Variants in ILRUN observed in about 807,000 individuals in gnomAD.
The protein encoded by ILRUN is inflammation and lipid regulator with UBA-like and NBR1-like domains.
ILRUN carries 3 observed loss-of-function variants against 33.8 expected under a neutral mutation model. That is an observed-to-expected ratio of 0.09 (90% CI 0.04 to 0.23). The LOEUF (loss-of-function observed/expected upper bound fraction) is 0.23. Among genes scored for constraint, ILRUN ranks in the 10% least tolerant of loss-of-function variants. ILRUN has a pLI of 1.00. For synonymous variants in ILRUN, 124 were observed against 138.9 expected (o/e 0.89, Z 0.75); for missense variants, 210 against 375.1 (o/e 0.56, Z 3.64).
At chr6:34,693,693 G>A (rs1368189178) in intron 1 of ILRUN, among the ~76,000 whole-genome samples, 1 of 147,722 alleles carries the variant, frequency 6.8e-6, no homozygotes, top group Non-Finnish European at 1.5e-5. Flanking sequence ...TTGAGACGGA[G>A]TCTCGGTCTG....
At chr6:34,691,707 A>G (rs943594874) in intron 1 of ILRUN, among the ~76,000 whole-genome samples, 1 of 152,026 alleles carries the variant, frequency 6.6e-6, no homozygotes, top group African/African-American at 2.4e-5. Context: ...GAGGCAGGAG[A>G]ATCTCTTGAA....
chr6:34,590,528 C>T lies in ILRUN; in HGVS notation c.*37G>A. On this transcript the variant is annotated 3_prime_UTR_variant, in exon 5 of 5. Coordinates refer to ENST00000374023, the MANE Select transcript of ILRUN (RefSeq NM_024294.4). ...CCCTAACCCCCCAAAGTCAGGCCTT[C>T]TGTCTTTTGTTAATTTTTCTTCTTG... 1 of 1,613,766 alleles carries T rather than the reference C, an allele frequency of 6.2e-7. No individual in the cohort carries two copies. Among genetic ancestry groups the T allele is most frequent in the African/African-American group, 1.3e-5 (1 of 75,050 alleles).
At chr6:34,626,498 G>A (rs1762134088) in intron 3 of ILRUN, among the ~76,000 whole-genome samples, 1 of 152,100 alleles carries the variant, frequency 6.6e-6, no homozygotes, top group African/African-American at 2.4e-5. Context: ...TTTTATAGCA[G>A]TTTTAGGTTC....
chr6:34,609,690 G>A (rs1302267395), intron 3 of ILRUN, among the ~76,000 whole-genome samples: 1 of 152,126 alleles, frequency 6.6e-6, no homozygotes, highest in Non-Finnish European at 1.5e-5. Context: ...TTAAGAACTG[G>A]TTGTATCCAA....
At chr6:34,650,407 TTTTATTTATTTA>T (rs56072656) in intron 2 of ILRUN, among the ~76,000 whole-genome samples, 12,774 of 141,398 alleles carry the variant, frequency 0.09, 720 homozygotes, top group East Asian at 0.32. Context: ...ATTTATTTAT[TTTTATTTATTTA>T]TTTATTTATT....
intron 1 of ILRUN, among the ~76,000 whole-genome samples, chr6:34,682,010 C>T (rs1273972544): frequency 7.5e-6 from 1 of 132,972 alleles, no homozygotes; most frequent in Non-Finnish European, 1.6e-5. Flanking sequence ...TGCCACCACA[C>T]CCCACTAATT....
At chr6:34,601,266 T>C (rs1391434499) in intron 4 of ILRUN, among the ~76,000 whole-genome samples, 2 of 152,222 alleles carry the variant, frequency 1.3e-5, no homozygotes, top group Non-Finnish European at 2.9e-5. Context: ...CAATCAATGA[T>C]AGTTTTACAG....
chr6:34,621,166 C>G (rs1762006266), intron 3 of ILRUN, among the ~76,000 whole-genome samples: 1 of 152,182 alleles, frequency 6.6e-6, no homozygotes, highest in Non-Finnish European at 1.5e-5. Context: ...TCTTCTTCTT[C>G]ATTAATTTCA....
chr6:34,653,148 A>G lies in ILRUN; in HGVS notation c.313+1477T>C, dbSNP rs146637411. 4.2e-4 allele frequency among the ~76,000 whole-genome samples: 61 copies of G among 145,188 alleles called. No individual in the cohort carries two copies. The South Asian group carries it at 5.3e-3, about 13-fold the overall frequency. On this transcript the variant is annotated intron_variant, in intron 2 of 4. Transcript: ENST00000374023. ...ACCTTGTCTCAAAAAAAAAAAAAAAAAAAGAAAAAGAAAGAAAGAAAGAAA... is the reference window on the plus strand; with the variant it reads ...ACCTTGTCTCAAAAAAAAAAAAAAAGAAAGAAAAAGAAAGAAAGAAAGAAA...
At chr6:34,675,216 G>A (rs1355268824) in intron 1 of ILRUN, among the ~76,000 whole-genome samples, 1 of 152,140 alleles carries the variant, frequency 6.6e-6, no homozygotes, top group African/African-American at 2.4e-5. Flanking sequence ...GGGAGGCAGA[G>A]GTTGCAGTGA....
chr6:34,602,931 C>A (rs940287565), intron 4 of ILRUN, among the ~76,000 whole-genome samples: 1 of 152,196 alleles, frequency 6.6e-6, no homozygotes, highest in African/African-American at 2.4e-5. Flanking sequence ...TGTTTCCTGG[C>A]ACTGACAGAT....
At chr6:34,683,831 G>A (rs916698839) in intron 1 of ILRUN, among the ~76,000 whole-genome samples, 3 of 152,132 alleles carry the variant, frequency 2.0e-5, no homozygotes, top group Non-Finnish European at 4.4e-5. Context: ...GGGAGGACAA[G>A]GTGGGCAGAC....
At chr6:34,685,592 C>A (rs1359316565) in intron 1 of ILRUN, 1 of 152,234 alleles carries the variant, frequency 6.6e-6, no homozygotes, top group Non-Finnish European at 1.5e-5. Context: ...AATCCTCCCG[C>A]CTCAGCATCC....
intron 1 of ILRUN, among the ~76,000 whole-genome samples, chr6:34,661,062 C>T (rs987572464): frequency 1.3e-5 from 2 of 152,162 alleles, no homozygotes; most frequent in South Asian, 4.1e-4. Context: ...CGTTTCCTGG[C>T]TATTTATTGA....
intron 1 of ILRUN, among the ~76,000 whole-genome samples, chr6:34,676,188 T>C (rs938317585): frequency 6.6e-6 from 1 of 151,788 alleles, no homozygotes; most frequent in Non-Finnish European, 1.5e-5. Flanking sequence ...AGGTGGAGGA[T>C]CACCCAGGAG....
chr6:34,627,648 T>C (rs1292535869), intron 3 of ILRUN, among the ~76,000 whole-genome samples: 1 of 152,168 alleles, frequency 6.6e-6, no homozygotes, highest in Non-Finnish European at 1.5e-5. Context: ...TAAGTTTTTA[T>C]ATGCCATGCC....
intron 4 of ILRUN, among the ~76,000 whole-genome samples, chr6:34,597,111 A>C (rs552171847): frequency 6.6e-6 from 1 of 152,232 alleles, no homozygotes; most frequent in African/African-American, 2.4e-5. Flanking sequence ...CTCCCCTTAC[A>C]TATTTTTTAA....
At chr6:34,650,417 TTATTTA>T (rs1762640396) in intron 2 of ILRUN, among the ~76,000 whole-genome samples, 1 of 83,088 alleles carries the variant, frequency 1.2e-5, no homozygotes, top group African/African-American at 7.2e-5. Flanking sequence ...TTTTATTTAT[TTATTTA>T]TTTATTTATT....
At chr6:34,664,333 G>A (rs1475993341) in intron 1 of ILRUN, among the ~76,000 whole-genome samples, 1 of 152,130 alleles carries the variant, frequency 6.6e-6, no homozygotes, top group Non-Finnish European at 1.5e-5. Flanking sequence ...AATGAAAATG[G>A]TGGGGTTTTG....
Sources: allele counts gnomAD v4.1 joint callset (sites outside exome capture counted in the v4.1 genomes callset), GRCh38; gene constraint gnomAD v4.1.1; transcripts MANE v1.5; gene names NCBI Gene and HGNC (gene_info 2026-07-23, HGNC 2026-07-21).